KIAA0586: variants seen among roughly 807,000 people sequenced by gnomAD.
KIAA0586 encodes the protein protein TALPID3.
A neutral mutation model predicts 169.8 loss-of-function variants in KIAA0586; 144 were observed. That is an observed-to-expected ratio of 0.85 (90% CI 0.74 to 0.97). KIAA0586 has a LOEUF of 0.97. Ranked by LOEUF, KIAA0586 falls within the 50% of genes least tolerant of loss-of-function variation. The probability of loss-of-function intolerance (pLI) is 0.00; values close to 1 mark genes in which losing one functional copy is unlikely to be tolerated. For missense variants in KIAA0586, 1,854 were observed against 1,823.0 expected (o/e 1.02, Z -0.31); for synonymous variants, 625 against 612.4 (o/e 1.02, Z -0.30).
rs563667047 is a variant in KIAA0586, at chr14:58,477,049, G to A, written c.2826-74G>A. On this transcript the variant is annotated intron_variant, in intron 19 of 30. Transcript: ENST00000652326. Reference sequence around the variant, plus strand: ...ATTGGTAAAGGTTATTTTTAGGGGTGGTATGTCTAACATTTTTTACATTTC... The same window carrying A: ...ATTGGTAAAGGTTATTTTTAGGGGTAGTATGTCTAACATTTTTTACATTTC... 34 of 731,904 alleles carry A rather than the reference G, an allele frequency of 4.6e-5. No individual in the cohort carries two copies. In the African/African-American group the frequency reaches 4.9e-4, roughly 11 times the overall value. 45.3% of individuals were successfully genotyped at this position (731,904 alleles called of 1,614,324 possible). A position where few individuals can be genotyped will look rare whatever the true frequency, so the allele number is the denominator to read the frequency against.
chr14:58,486,097 T>C (rs1595333715), intron 21 of KIAA0586, among the ~76,000 whole-genome samples: 1 of 152,304 alleles, frequency 6.6e-6, no homozygotes, highest in East Asian at 1.9e-4. Context: ...TCCCCTTTCT[T>C]CCCTCCTGCC....
chr14:58,437,142 G>C lies in KIAA0586; in HGVS notation c.410+4685G>C, dbSNP rs376220613. On this transcript the variant is annotated intron_variant, in intron 4 of 30. Coordinates refer to ENST00000652326, the MANE Select transcript of KIAA0586 (RefSeq NM_001329943.3). ...TTGGTCCTGAATACACTGGGCAGTGGTGGTATGGTAATGGGAATCATGCTC... is the reference window on the plus strand; with the variant it reads ...TTGGTCCTGAATACACTGGGCAGTGCTGGTATGGTAATGGGAATCATGCTC... 2.6e-5 allele frequency among the ~76,000 whole-genome samples: 4 copies of C among 152,296 alleles called. 1 individual carries two copies.
chr14:58,502,591 G>A (rs1299840627), intron 27 of KIAA0586, among the ~76,000 whole-genome samples: 1 of 152,146 alleles, frequency 6.6e-6, no homozygotes, highest in African/African-American at 2.4e-5. Context: ...GGGCTATCTT[G>A]GAGGTAATAG....
chr14:58,437,288 A>C (rs1317537636), intron 4 of KIAA0586, among the ~76,000 whole-genome samples: 1 of 152,192 alleles, frequency 6.6e-6, no homozygotes, highest in Non-Finnish European at 1.5e-5. Context: ...GGCTTTCACA[A>C]ATACATGGTG....
chr14:58,484,812 C>T (rs981527216), intron 21 of KIAA0586, among the ~76,000 whole-genome samples: 54 of 135,084 alleles, frequency 4.0e-4, no homozygotes, highest in South Asian at 1.4e-3. Context: ...ACCCATAATA[C>T]AGAATAAAGG....
chr14:58,484,919 TATA>T (rs2042324048), intron 21 of KIAA0586, among the ~76,000 whole-genome samples: 2 of 43,310 alleles, frequency 4.6e-5, no homozygotes, highest in African/African-American at 1.8e-4. Context: ...TATATATATA[TATA>T]TATTTTTTTT....
chr14:58,548,205 T>A lies in KIAA0586; in HGVS notation c.*273T>A, dbSNP rs1012133072. 1.8e-5 allele frequency: 6 copies of A among 336,656 alleles called. No individual in the cohort carries two copies. In the Admixed American group the frequency reaches 1.8e-4, roughly 10 times the overall value. The allele number at this position is 336,656 out of a possible 1,614,324, so 20.9% of individuals were successfully genotyped here. A position where few individuals can be genotyped will look rare whatever the true frequency, so the allele number is the denominator to read the frequency against. Reference sequence around the variant, plus strand: ...GCATGGCTTTTGACATCTAGGCATTTAATCTATAGGTGTAATTATCTGTAT... The same window carrying A: ...GCATGGCTTTTGACATCTAGGCATTAAATCTATAGGTGTAATTATCTGTAT... On this transcript the variant is annotated 3_prime_UTR_variant, in exon 31 of 31. Transcript: ENST00000652326.
At chr14:58,430,570 C>A (rs2037276836) in intron 2 of KIAA0586, 78 bp from the exon 3 acceptor site, 1 of 816,962 alleles carries the variant, frequency 1.2e-6, no homozygotes, top group East Asian at 2.5e-5. Flanking sequence ...ACAGTAGTCA[C>A]ATAGCTAGTA....
intron 28 of KIAA0586, among the ~76,000 whole-genome samples, chr14:58,512,077 T>C (rs2044427695): frequency 6.6e-6 from 1 of 152,196 alleles, no homozygotes; most frequent in Non-Finnish European, 1.5e-5. Flanking sequence ...GAGAATTAAA[T>C]GATGTTACTA....
intron 29 of KIAA0586, among the ~76,000 whole-genome samples, chr14:58,528,777 A>G (rs1273877897): frequency 6.6e-6 from 1 of 152,238 alleles, no homozygotes; most frequent in Non-Finnish European, 1.5e-5. Flanking sequence ...TGGCACCCTA[A>G]CATCTCAATT....
chr14:58,489,268 A>G (rs1187711131), intron 24 of KIAA0586, among the ~76,000 whole-genome samples: 1 of 145,464 alleles, frequency 6.9e-6, no homozygotes. Flanking sequence ...CATGCAAGCT[A>G]GAGTGAGGTG....
At chr14:58,493,978 C>T (rs1022156483) in intron 26 of KIAA0586, among the ~76,000 whole-genome samples, 2 of 152,176 alleles carry the variant, frequency 1.3e-5, no homozygotes, top group African/African-American at 4.8e-5. Context: ...TTATAAATTC[C>T]ACTGACTAAT....
chr14:58,470,810 AATG>A lies in KIAA0586; in HGVS notation c.2553+90_2553+92del, dbSNP rs879067397. On this transcript the variant is annotated intron_variant, in intron 17 of 30. Transcript: ENST00000652326. ...TACTCCATTTAAAGCCTTTTATCAT[AATG>A]ATAACTTATAATAATTTAGATTTTG... 3.5e-5 allele frequency: 23 copies of A among 653,372 alleles called. No homozygotes were observed. In the South Asian group the frequency reaches 4.1e-4, roughly 12 times the overall value. 40.5% of individuals were successfully genotyped at this position (653,372 alleles called of 1,614,324 possible).
At chr14:58,478,871 A>G (rs2141074616) in intron 20 of KIAA0586, among the ~76,000 whole-genome samples, 1 of 152,324 alleles carries the variant, frequency 6.6e-6, no homozygotes, top group South Asian at 2.1e-4. Context: ...TTCTTTTATT[A>G]GCATAATATT....
chr14:58,508,834 T>A, intron 28 of KIAA0586, 125 bp downstream of exon 28: 1 of 688,952 alleles, frequency 1.5e-6, no homozygotes, highest in South Asian at 1.9e-5. Context: ...CCTCCTTTAT[T>A]TCCTAACTCA....
intron 16 of KIAA0586, 119 bp from the exon 17 acceptor site, chr14:58,470,494 A>T: frequency 2.4e-6 from 1 of 414,488 alleles, no homozygotes; most frequent in Non-Finnish European, 4.2e-6. Flanking sequence ...CTTAAAGGGC[A>T]TGCTTTGTTT....
At position 58,459,867 on chromosome 14, in the gene KIAA0586, G is replaced by T; in HGVS notation, c.1681G>T (p.Glu561Ter). 6.5e-7 allele frequency: 1 copy of T among 1,529,858 alleles called. No homozygotes were observed. The highest frequency in any genetic ancestry group is 2.0e-4 in the Middle Eastern group (1 of 4,972). 94.8% of individuals were successfully genotyped at this position (1,529,858 alleles called of 1,614,324 possible). Reference sequence around the variant, plus strand: ...GGATGAACTGTCAAGAACAGATTATGAACAAAAAAGATTTGATCAGAAGAA... The same window carrying T: ...GGATGAACTGTCAAGAACAGATTATTAACAAAAAAGATTTGATCAGAAGAA... ...IQDELSRTDYEQKRFDQKNQR... is the reference protein window; with the variant it reads ...IQDELSRTDY Residue 561 changes from glutamate to a stop codon, truncating the protein, a stop_gained, in exon 13 of 31, where the codon GAA becomes TAA. Transcript: ENST00000652326. LOFTEE classifies it high-confidence loss of function.
chr14:58,496,631 T>C (rs2043176363), intron 26 of KIAA0586, among the ~76,000 whole-genome samples: 1 of 152,194 alleles, frequency 6.6e-6, no homozygotes, highest in Non-Finnish European at 1.5e-5. Context: ...CATAGGAGAA[T>C]GAAGGCAAAT....
chr14:58,497,495 G>A (rs1009365077), intron 26 of KIAA0586, among the ~76,000 whole-genome samples: 6 of 151,576 alleles, frequency 4.0e-5, no homozygotes, highest in Non-Finnish European at 8.8e-5. Context: ...AGGTAGCTGG[G>A]ACTACAGGCA....
Sources: gnomAD v4.1 joint callset for allele counts (sites outside exome capture counted in the v4.1 genomes callset) on GRCh38, gnomAD v4.1.1 for gene constraint, MANE v1.5 for transcripts, NCBI Gene and HGNC (gene_info 2026-07-23, HGNC 2026-07-21) for gene names.